CPZ: variants seen among roughly 807,000 people sequenced by gnomAD.
CPZ encodes the protein VEZT/CPZ fusion.
Under a neutral mutation model 61.8 loss-of-function variants are expected in CPZ, and 103 were observed. The observed-to-expected ratio is 1.67, with a 90% CI of 1.42 to 1.96. The LOEUF (loss-of-function observed/expected upper bound fraction) is 1.96. Among genes scored for constraint, CPZ ranks in the 30% most tolerant of loss-of-function variants. CPZ has a pLI of 0.00. For synonymous variants in CPZ, 551 were observed against 373.7 expected, an observed-to-expected ratio of 1.47 and a Z score of -5.47; for missense variants, 1,461 against 914.9, an observed-to-expected ratio of 1.60 and a Z score of -7.70.
intron 7 of CPZ, among the ~76,000 whole-genome samples, chr4:8,608,810 G>A (rs1246984055): frequency 2.0e-5 from 3 of 152,194 alleles, no homozygotes; most frequent in African/African-American, 7.2e-5. Flanking sequence ...TGGAGGCACA[G>A]GCCACCTGGT....
rs770570143 is a variant in CPZ at position 8,592,875 on chromosome 4, C to G, written c.42C>G (p.Val14=). The G allele has an allele frequency of 1.6e-5, 25 of 1,533,466 alleles. No individual in the cohort carries two copies. Among genetic ancestry groups the G allele is most frequent in the Admixed American group, 5.9e-5 (3 of 50,502 alleles). The allele number at this position is 1,533,466 out of a possible 1,614,324, so 95.0% of individuals were successfully genotyped here. A position where few individuals can be genotyped will look rare whatever the true frequency, so the allele number is the denominator to read the frequency against. Residue 14 remains valine (V), a synonymous_variant, in exon 1 of 11, where the codon GTC becomes GTG. Coordinates refer to ENST00000360986, the MANE Select transcript of CPZ (RefSeq NM_001014447.3). Reference sequence around the variant, plus strand: ...CGCTGCTGCTCCTTACAGTCCTGGTCGTCGCCGCTGCCCGGCCGGGGTGCG... The same window carrying G: ...CGCTGCTGCTCCTTACAGTCCTGGTGGTCGCCGCTGCCCGGCCGGGGTGCG... The part of the protein sequence containing the change: ...PLPLLLLTVL[V]VAAARPGCEF...
At chr4:8,598,446 G>A (rs1714337330) in intron 1 of CPZ, among the ~76,000 whole-genome samples, 1 of 152,246 alleles carries the variant, frequency 6.6e-6, no homozygotes, top group South Asian at 2.1e-4. Context: ...GTTTTGGCTG[G>A]AGGTGAAGTC....
chr4:8,610,642 TTGGATGTGATTCATTCTTGA>T (rs1244400180), intron 7 of CPZ, among the ~76,000 whole-genome samples: 1 of 152,178 alleles, frequency 6.6e-6, no homozygotes, highest in Admixed American at 6.5e-5. Flanking sequence ...GGACCGTTTG[TTGGATGTGATTCATTCTTGA>T]TGGGAAAGTC....
chr4:8,613,257 G>A (rs142969362), intron 8 of CPZ, among the ~76,000 whole-genome samples: 4,733 of 150,814 alleles, frequency 0.031, 279 homozygotes, highest in East Asian at 0.27. Context: ...TCAGCCTCCC[G>A]AGTAGCTGGG....
chr4:8,600,843 G>A (rs1714522349), intron 2 of CPZ: 1 of 978,738 alleles, frequency 1.0e-6, no homozygotes, highest in Non-Finnish European at 1.3e-6. Flanking sequence ...CCCTTGTGTG[G>A]CACAGCTGCT....
At chr4:8,611,590 T>G (rs1035059800) in intron 7 of CPZ, among the ~76,000 whole-genome samples, 26 of 152,170 alleles carry the variant, frequency 1.7e-4, no homozygotes, top group African/African-American at 3.9e-4. Flanking sequence ...TGATTATTCA[T>G]AGAAGTAGTT....
chr4:8,612,130 T>A lies in CPZ; in HGVS notation c.1331T>A (p.Ile444Asn). The change falls in exon 8 of 11, where the codon ATC becomes AAC. Residue 444 changes from isoleucine to asparagine, a missense_variant. Physicochemically the swap from Ile to Asn is moderately radical, Grantham distance 149 (BLOSUM62 -3). Coordinates refer to ENST00000360986, the MANE Select transcript of CPZ (RefSeq NM_001014447.3). ...GGNFLKRGSI[I>N]NGADWYSFTG... ...AATTTCCTGAAGAGGGGGAGCATCA[T>A]CAACGGGGCGGACTGGTACAGCTTC... The A allele has an allele frequency of 6.4e-7, 1 of 1,567,206 alleles. No individual in the cohort carries two copies. The highest frequency in any genetic ancestry group is 8.7e-7 in the Non-Finnish European group (1 of 1,151,664).
chr4:8,599,823 G>A (rs906853239), intron 2 of CPZ: 4 of 330,888 alleles, frequency 1.2e-5, no homozygotes, highest in East Asian at 7.8e-5. Flanking sequence ...GCTCTGTGCC[G>A]GGCCCCTGCT....
chr4:8,607,509 C>T (rs1032704919), intron 7 of CPZ, 84 bp downstream of exon 7: 19 of 1,481,530 alleles, frequency 1.3e-5, no homozygotes, highest in Non-Finnish European at 1.7e-5. Context: ...GTCCTGAGCT[C>T]AGTGAAGGCA....
chr4:8,611,181 C>T (rs1176094236), intron 7 of CPZ: 4 of 452,874 alleles, frequency 8.8e-6, no homozygotes, highest in African/African-American at 2.0e-5. Flanking sequence ...CCCTCCTCAG[C>T]ACAGACCTGT....
intron 4 of CPZ, among the ~76,000 whole-genome samples, chr4:8,604,919 C>CTCTA (rs1714822110): frequency 1.3e-5 from 2 of 152,234 alleles, no homozygotes; most frequent in African/African-American, 2.4e-5. Context: ...AGCCCAAAGG[C>CTCTA]TCTATCTCTT....
At chr4:8,605,906 A>G in intron 4 of CPZ, 83 bp from the exon 5 acceptor site, 1 of 1,395,226 alleles carries the variant, frequency 7.2e-7, no homozygotes, top group Non-Finnish European at 9.9e-7. Flanking sequence ...CCATCTGGTC[A>G]TTCTTGCTGA....
intron 9 of CPZ, among the ~76,000 whole-genome samples, chr4:8,615,803 C>G (rs1343385093): frequency 2.0e-5 from 3 of 152,196 alleles, no homozygotes; most frequent in African/African-American, 4.8e-5. Context: ...CTAGAAAAAT[C>G]AGGAACCTTC....
At chr4:8,617,588 CAT>C (rs1716285175) in intron 9 of CPZ, among the ~76,000 whole-genome samples, 1 of 152,230 alleles carries the variant, frequency 6.6e-6, no homozygotes, top group African/African-American at 2.4e-5. Context: ...AGATCATTTT[CAT>C]AGTTTCTGGA....
rs765709844 is a variant in CPZ at position 8,612,041 on chromosome 4, G to C, written c.1242G>C (p.Leu414=). The C allele has an allele frequency of 1.2e-6, 2 of 1,614,008 alleles. No homozygotes were observed. The highest frequency in any genetic ancestry group is 1.7e-6 in the Non-Finnish European group (2 of 1,180,026). The change falls in exon 8 of 11, where the codon CTG becomes CTC. Residue 414 remains leucine (L), a synonymous_variant. Transcript: ENST00000360986. ...TTCTTTTCCAGATGTTCAAGCTGCTGTCCAGAGCCTACGCTGACGTCCACC... is the reference window on the plus strand; with the variant it reads ...TTCTTTTCCAGATGTTCAAGCTGCTCTCCAGAGCCTACGCTGACGTCCACC... The part of the protein sequence containing the change: ...PTPDEKMFKL[L]SRAYADVHPM...
chr4:8,617,868 A>C lies in CPZ; in HGVS notation c.1504-561A>C, dbSNP rs559376536. Among the ~76,000 whole-genome samples the C allele has an allele frequency of 1.8e-3, 268 of 152,234 alleles. 1 individual carries two copies. The highest frequency in any genetic ancestry group is 6.0e-3 in the African/African-American group (251 of 41,530). On this transcript the variant is annotated intron_variant, in intron 9 of 10. Coordinates refer to ENST00000360986, the MANE Select transcript of CPZ (RefSeq NM_001014447.3). ...GCTTTGGGAGGGCTTTCCAGGGTGA[A>C]AACGTTGGAGCTGTGGGCGTGCAGG...
At chr4:8,598,102 T>C (rs1398576718) in intron 1 of CPZ, among the ~76,000 whole-genome samples, 1 of 152,208 alleles carries the variant, frequency 6.6e-6, no homozygotes, top group East Asian at 1.9e-4. Context: ...GAGAGCGCTG[T>C]GTGGACCTCT....
At chr4:8,609,296 T>G (rs867779736) in intron 7 of CPZ, among the ~76,000 whole-genome samples, 5 of 131,692 alleles carry the variant, frequency 3.8e-5, no homozygotes, top group African/African-American at 8.4e-5. Context: ...TTCTCAGTCA[T>G]TCATCCATTC....
rs541089770 is a variant in CPZ, at chr4:8,618,424, T to C, written c.1504-5T>C. The C allele has an allele frequency of 3.1e-6, 5 of 1,613,964 alleles. No homozygotes were observed. In the East Asian group the frequency reaches 6.7e-5, roughly 22 times the overall value. On this transcript the variant is annotated splice_polypyrimidine_tract_variant and splice_region_variant and intron_variant, in intron 9 of 10. Transcript: ENST00000360986. ...ATCTCCCTGGCCTCCCCTTGGTCTC[T>C]TCAGGTGCACCGGGGCATCAAAGGT...
Sources: allele counts gnomAD v4.1 joint callset (sites outside exome capture counted in the v4.1 genomes callset), GRCh38; gene constraint gnomAD v4.1.1; transcripts MANE v1.5; gene names NCBI Gene and HGNC (gene_info 2026-07-23, HGNC 2026-07-21).